CACNA1E: variants seen among roughly 807,000 people sequenced by gnomAD.
CACNA1E encodes calcium voltage-gated channel subunit alpha1 E, also known as voltage-dependent R-type calcium channel subunit alpha-1E.
CACNA1E carries 40 observed loss-of-function variants against 259.2 expected under a neutral mutation model. The observed-to-expected ratio is 0.15, with a 90% confidence interval of 0.12 to 0.20. CACNA1E has a LOEUF of 0.20. Among genes scored for constraint, CACNA1E ranks in the 10% least tolerant of loss-of-function variants. The pLI is 1.00. For synonymous variants in CACNA1E, 1,104 were observed against 1,138.5 expected (o/e 0.97, Z 0.61); for missense variants, 1,874 against 3,040.1 (o/e 0.62, Z 9.02).
intron 34 of CACNA1E, among the ~76,000 whole-genome samples, chr1:181,765,341 A>T (rs1658929386): frequency 6.6e-6 from 1 of 152,154 alleles, no homozygotes; most frequent in Non-Finnish European, 1.5e-5. Flanking sequence ...GAGACAGTAG[A>T]ATAAGGGCAG....
chr1:181,656,682 C>T (rs2102099102), intron 7 of CACNA1E, among the ~76,000 whole-genome samples: 1 of 152,332 alleles, frequency 6.6e-6, no homozygotes, highest in African/African-American at 2.4e-5. Context: ...TTCACATTCA[C>T]TCACCACTCA....
chr1:181,507,476 A>T (rs1269400613), intron 1 of CACNA1E, among the ~76,000 whole-genome samples: 3 of 152,206 alleles, frequency 2.0e-5, no homozygotes, highest in Non-Finnish European at 4.4e-5. Flanking sequence ...AAATGCAGGT[A>T]TGGGTGTGGA....
rs79700207 is a variant in CACNA1E, at chr1:181,397,757, C to G, written c.-14-15376C>G. Among the ~76,000 whole-genome samples, 328 of 152,318 alleles carry G rather than the reference C, an allele frequency of 2.2e-3. 3 individuals carry two copies. The highest frequency in any genetic ancestry group is 7.4e-3 in the African/African-American group (308 of 41,578). ...TCATCCCGTCTTGTCCTTCCCTCTC[C>G]CTGCTGAGCTCCGCAGCCCTGGGGA... On this transcript the variant is annotated intron_variant, in intron 1 of 11. Coordinates refer to the CACNA1E transcript ENST00000524607.
intron 26 of CACNA1E, 61 bp from the exon 27 acceptor site, chr1:181,752,082 T>C (rs1572797105): frequency 8.6e-7 from 1 of 1,159,176 alleles, no homozygotes; most frequent in Admixed American, 1.7e-5. Context: ...TGCCATAGTT[T>C]GAATGTCATT....
chr1:181,361,685 C>A (rs1437662710), intron 1 of CACNA1E, among the ~76,000 whole-genome samples: 1 of 152,132 alleles, frequency 6.6e-6, no homozygotes, highest in Non-Finnish European at 1.5e-5. Flanking sequence ...CCTTGGTGCC[C>A]CAAGTTCTGC....
intron 7 of CACNA1E, among the ~76,000 whole-genome samples, chr1:181,655,043 A>T (rs1291942674): frequency 6.6e-6 from 1 of 151,932 alleles, no homozygotes; most frequent in Non-Finnish European, 1.5e-5. Context: ...TTTAGTGAAA[A>T]CAAGAATCAC....
chr1:181,503,295 G>A (rs1307247920), intron 1 of CACNA1E, among the ~76,000 whole-genome samples: 1 of 152,224 alleles, frequency 6.6e-6, no homozygotes, highest in African/African-American at 2.4e-5. Flanking sequence ...CAGGGTCTGT[G>A]GGAACTGGAG....
chr1:181,724,017 G>A (rs1166151200), intron 16 of CACNA1E, among the ~76,000 whole-genome samples: 1 of 152,282 alleles, frequency 6.6e-6, no homozygotes, highest in East Asian at 1.9e-4. Context: ...GGTTGTGGGG[G>A]TAGGGCTGAA....
chr1:181,759,528 T>G (rs1658392533), intron 32 of CACNA1E, among the ~76,000 whole-genome samples: 1 of 152,094 alleles, frequency 6.6e-6, no homozygotes, highest in Admixed American at 6.6e-5. Context: ...TCAACTACTA[T>G]TAATAATTAT....
Position 181,485,053 on chromosome 1 carries a change from G to A in CACNA1E, c.266+1043G>A, listed in dbSNP as rs1311898286. Among the ~76,000 whole-genome samples, 1 of 152,258 alleles carries A rather than the reference G, an allele frequency of 6.6e-6. No individual in the cohort carries two copies. Among genetic ancestry groups the A allele is most frequent in the Non-Finnish European group, 1.5e-5 (1 of 68,048 alleles). ...CGCCTGGCAAGGCCATTGGGAATTGGGGGTGGTGAGGCAGTGAAGGGGATT... is the reference window on the plus strand; with the variant it reads ...CGCCTGGCAAGGCCATTGGGAATTGAGGGTGGTGAGGCAGTGAAGGGGATT... On this transcript the variant is annotated intron_variant, in intron 1 of 47. Coordinates refer to ENST00000367573, the MANE Select transcript of CACNA1E (RefSeq NM_001205293.3). This position sits in a 1 kb window ranked among gnomAD's most constrained non-coding sequence, Gnocchi z 4.2.
chr1:181,732,493 C>T lies in CACNA1E; in HGVS notation c.2407C>T (p.Pro803Ser). ...SQEALNREEAPTMNPLNPLNP... is the reference protein window; with the variant it reads ...SQEALNREEASTMNPLNPLNP... ...GGAGGCCCTCAACAGAGAGGAGGCG[C>T]CGACCATGAACCCGCTCAACCCCCT... is the stretch of plus-strand genomic sequence containing the variant. Residue 803 changes from proline to serine, a missense_variant, in exon 20 of 48, where the codon CCG becomes TCG. This residue lies in a region of CACNA1E where 476 missense variants were observed against 514.0 expected (regional missense o/e 0.93). Transcript: ENST00000367573. This position sits in a 1 kb window ranked among gnomAD's most constrained non-coding sequence, Gnocchi z 5.5. The T allele has an allele frequency of 1.3e-6, 2 of 1,551,580 alleles. No homozygotes were observed. The highest frequency in any genetic ancestry group is 2.4e-5 in the East Asian group (1 of 40,884).
chr1:181,767,181 G>A (rs576702935), intron 35 of CACNA1E, among the ~76,000 whole-genome samples: 1 of 152,122 alleles, frequency 6.6e-6, no homozygotes, highest in Admixed American at 6.6e-5. Context: ...GGAGACTCAA[G>A]GGCCACATTC....
intron 7 of CACNA1E, among the ~76,000 whole-genome samples, chr1:181,655,713 T>G (rs1216347694): frequency 2.0e-5 from 3 of 152,150 alleles, no homozygotes; most frequent in African/African-American, 7.2e-5. Flanking sequence ...AAGTCTAGGA[T>G]GACAGAAGCC....
intron 1 of CACNA1E, among the ~76,000 whole-genome samples, chr1:181,348,062 C>A (rs1301453195): frequency 1.3e-5 from 2 of 152,206 alleles, no homozygotes; most frequent in African/African-American, 4.8e-5. Context: ...CTGAAGTGAG[C>A]AGTTGGAGCT....
intron 2 of CACNA1E, among the ~76,000 whole-genome samples, chr1:181,469,801 G>A (rs1385122732): frequency 6.6e-6 from 1 of 152,140 alleles, no homozygotes; most frequent in East Asian, 1.9e-4. Flanking sequence ...GAAGAGGAAA[G>A]CCAATTCATG....
chr1:181,601,592 A>G (rs1653753851), intron 6 of CACNA1E, among the ~76,000 whole-genome samples: 1 of 152,208 alleles, frequency 6.6e-6, no homozygotes, highest in African/African-American at 2.4e-5. Context: ...ACTCATCAGT[A>G]GCTCCTTTGG....
Position 181,377,110 on chromosome 1 carries a change from A to C in CACNA1E, c.-14-36023A>C, listed in dbSNP as rs114646500. On this transcript the variant is annotated intron_variant, in intron 1 of 11. Coordinates refer to the CACNA1E transcript ENST00000524607. ...GGTGCCTAGGTCTATGACAACAAGCACTTATAAAGAACGTAAAAAGGGGTT... is the reference window on the plus strand; with the variant it reads ...GGTGCCTAGGTCTATGACAACAAGCCCTTATAAAGAACGTAAAAAGGGGTT... Among the ~76,000 whole-genome samples, 575 of 152,368 alleles carry C rather than the reference A, an allele frequency of 3.8e-3. 2 individuals are homozygous for C. The highest frequency in any genetic ancestry group is 0.013 in the African/African-American group (543 of 41,588).
intron 6 of CACNA1E, among the ~76,000 whole-genome samples, chr1:181,600,964 G>C (rs1202037199): frequency 6.6e-6 from 1 of 152,180 alleles, no homozygotes; most frequent in Non-Finnish European, 1.5e-5. Context: ...TAGCACTGCA[G>C]TAGGTCTATT....
chr1:181,647,823 C>G (rs906701176), intron 6 of CACNA1E, among the ~76,000 whole-genome samples: 1 of 152,076 alleles, frequency 6.6e-6, no homozygotes, highest in African/African-American at 2.4e-5. Flanking sequence ...GTCACTGACC[C>G]GTGGACAAAC....
Sources: allele counts gnomAD v4.1 joint callset (sites outside exome capture counted in the v4.1 genomes callset), GRCh38; gene constraint gnomAD v4.1.1; regional missense constraint gnomAD v4.1.1; non-coding constraint Gnocchi (gnomAD v3.1); transcripts MANE v1.5; gene names NCBI Gene and HGNC (gene_info 2026-07-23, HGNC 2026-07-21).